Variants in PHC3 observed in about 807,000 individuals in gnomAD.
PHC3 encodes the protein polyhomeotic homolog 3.
A neutral mutation model predicts 107.4 loss-of-function variants in PHC3; 13 were observed. The ratio of observed to expected loss-of-function variants is 0.12; its 90% CI spans 0.08 to 0.19. The LOEUF is 0.19. Among genes scored for constraint, PHC3 ranks in the 10% least tolerant of loss-of-function variants. The probability of loss-of-function intolerance (pLI) is 1.00; values close to 1 mark genes in which losing one functional copy is unlikely to be tolerated. For synonymous variants in PHC3, 456 were observed against 427.4 expected, an observed-to-expected ratio of 1.07 and a Z score of -0.83; for missense variants, 992 against 1,210.9, an observed-to-expected ratio of 0.82 and a Z score of 2.68.
intron 8 of PHC3, among the ~76,000 whole-genome samples, chr3:170,126,522 A>ATTT (rs1448527939): frequency 3.0e-4 from 24 of 80,722 alleles, no homozygotes; most frequent in Non-Finnish European, 5.0e-4. Flanking sequence ...ATATATATAT[A>ATTT]TATATATTTT....
intron 4 of PHC3, among the ~76,000 whole-genome samples, chr3:170,162,307 C>T (rs911125689): frequency 6.6e-6 from 1 of 152,144 alleles, no homozygotes; most frequent in Non-Finnish European, 1.5e-5. Context: ...ATAACCAATG[C>T]CTACTCAATA....
chr3:170,180,384 G>C (rs1038566888), intron 1 of PHC3, among the ~76,000 whole-genome samples: 8 of 152,148 alleles, frequency 5.3e-5, no homozygotes, highest in African/African-American at 1.9e-4. Flanking sequence ...AAGAGGGCCA[G>C]GCTGCAGTGA....
At chr3:170,124,363 C>T (rs531682172) in intron 8 of PHC3, among the ~76,000 whole-genome samples, 203 of 152,144 alleles carry the variant, frequency 1.3e-3, no homozygotes, top group African/African-American at 4.9e-3. Context: ...TCTTATTTAA[C>T]CATACTGACT....
chr3:170,139,566 A>T (rs1336078335), intron 6 of PHC3, among the ~76,000 whole-genome samples: 1 of 152,216 alleles, frequency 6.6e-6, no homozygotes, highest in Non-Finnish European at 1.5e-5. Context: ...TTTCTATAGA[A>T]TAATACTCCT....
At chr3:170,146,374 CAA>C (rs1257938749) in intron 5 of PHC3, among the ~76,000 whole-genome samples, 8 of 97,486 alleles carry the variant, frequency 8.2e-5, no homozygotes, top group Non-Finnish European at 2.1e-5. Flanking sequence ...GACTCCATCT[CAA>C]AAAAAAAAAA....
intron 4 of PHC3, among the ~76,000 whole-genome samples, chr3:170,155,480 G>C (rs1726746653): frequency 6.6e-6 from 1 of 152,184 alleles, no homozygotes; most frequent in African/African-American, 2.4e-5. Context: ...CAGCACTTTG[G>C]GAAGCTGAGA....
intron 4 of PHC3, chr3:170,150,557 A>T (rs1027538159): frequency 2.4e-5 from 4 of 164,818 alleles, no homozygotes; most frequent in African/African-American, 5.0e-5. Context: ...AAAAAAAATT[A>T]AAAAAATTAG....
intron 2 of PHC3, among the ~76,000 whole-genome samples, chr3:170,175,451 G>A (rs527542754): frequency 3.9e-5 from 6 of 151,920 alleles, no homozygotes; most frequent in Admixed American, 1.3e-4. Context: ...TAGCCTGGGC[G>A]ACATAGTGAG....
intron 2 of PHC3, among the ~76,000 whole-genome samples, chr3:170,178,237 G>A (rs1347358847): frequency 1.3e-5 from 2 of 150,274 alleles, no homozygotes; most frequent in Non-Finnish European, 3.0e-5. Context: ...TCCGCCTTCC[G>A]GGTTCACGCC....
chr3:170,155,900 C>T lies in PHC3; in HGVS notation c.415-6656G>A, dbSNP rs1726821001. The stretch of plus-strand genomic sequence containing the variant: ...ATATAATGCCTTCTAGGAGTAAAAT[C>T]CGGGATTACTTTTTTTAAAGTTTTT... On this transcript the variant is annotated intron_variant, in intron 4 of 14. Transcript: ENST00000495893. Among the ~76,000 whole-genome samples the T allele has an allele frequency of 2.0e-5, 3 of 152,080 alleles. No homozygotes were observed. In the South Asian group the frequency reaches 6.2e-4, roughly 32 times the overall value.
At chr3:170,163,399 A>T (rs1471750629) in intron 4 of PHC3, among the ~76,000 whole-genome samples, 1 of 152,080 alleles carries the variant, frequency 6.6e-6, no homozygotes, top group African/African-American at 2.4e-5. Context: ...TCAGAGACTT[A>T]TGATTGTAGT....
rs1714427317 is a variant in PHC3 at position 170,094,464 on chromosome 3, A to C, written c.*2766T>G. ...CCATGTTCCCTTTCTGTTTGTCATT[A>C]TCTCTCCCCAGTCAAAATCCTAAAA... On this transcript the variant is annotated 3_prime_UTR_variant, in exon 15 of 15. Transcript: ENST00000495893. The C allele has an allele frequency of 6.6e-6, 1 of 152,188 alleles. No individual in the cohort carries two copies. The highest frequency in any genetic ancestry group is 1.9e-4 in the East Asian group (1 of 5,200). 9.4% of individuals were successfully genotyped at this position (152,188 alleles called of 1,614,324 possible).
intron 4 of PHC3, among the ~76,000 whole-genome samples, chr3:170,159,513 G>C (rs1211541404): frequency 6.6e-6 from 1 of 152,002 alleles, no homozygotes; most frequent in East Asian, 1.9e-4. Context: ...AATCCAGAAA[G>C]GTCAACATTC....
chr3:170,136,876 A>G (rs1560078171), intron 6 of PHC3, among the ~76,000 whole-genome samples: 1 of 152,086 alleles, frequency 6.6e-6, no homozygotes, highest in Non-Finnish European at 1.5e-5. Context: ...CAATTTTTTA[A>G]AAGACATAAG....
At chr3:170,159,369 C>T (rs964245856) in intron 4 of PHC3, among the ~76,000 whole-genome samples, 1 of 151,310 alleles carries the variant, frequency 6.6e-6, no homozygotes, top group African/African-American at 2.4e-5. Flanking sequence ...CAAGAAAATG[C>T]TCTGAGAAAT....
In PHC3 at chr3:170,117,341, A is replaced by G; in HGVS notation, c.2078T>C (p.Met693Thr). 3.7e-6 allele frequency: 6 copies of G among 1,613,960 alleles called. No individual in the cohort carries two copies. Among genetic ancestry groups the G allele is most frequent in the Non-Finnish European group, 5.1e-6 (6 of 1,179,868 alleles). ...CTCTATACTGGGAATGCTACTGTGC[A>G]TAGATGTACTGTTACTCCTTGTGGT... ...AATTRSNSTS[M>T]HSSIPSIENK... is the part of the protein sequence containing the mutation. The change falls in exon 10 of 15, where the codon ATG becomes ACG. Residue 693 changes from methionine (M) to threonine (T), a missense_variant. Met to Thr is a moderately conservative substitution (Grantham distance 81). Transcript: ENST00000495893.
At chr3:170,177,295 A>G (rs1730626000) in intron 2 of PHC3, among the ~76,000 whole-genome samples, 1 of 152,086 alleles carries the variant, frequency 6.6e-6, no homozygotes, top group Non-Finnish European at 1.5e-5. Flanking sequence ...GCACCTAGAG[A>G]CTTTCCCCTT....
At chr3:170,123,561 G>A (rs541066661) in intron 8 of PHC3, among the ~76,000 whole-genome samples, 20 of 152,124 alleles carry the variant, frequency 1.3e-4, no homozygotes, top group African/African-American at 4.8e-4. Context: ...GGCTGAGGTG[G>A]GTGGATCACC....
intron 14 of PHC3, among the ~76,000 whole-genome samples, chr3:170,099,370 T>C (rs1715097311): frequency 1.3e-5 from 2 of 152,134 alleles, no homozygotes; most frequent in African/African-American, 2.4e-5. Flanking sequence ...TACATCAGTA[T>C]AGAAATTTAA....
Sources: gnomAD v4.1 joint callset for allele counts (sites outside exome capture counted in the v4.1 genomes callset) on GRCh38, gnomAD v4.1.1 for gene constraint, MANE v1.5 for transcripts, NCBI Gene and HGNC (gene_info 2026-07-23, HGNC 2026-07-21) for gene names.